RBPMS: variants seen among roughly 807,000 people sequenced by gnomAD.
RBPMS encodes the protein RNA binding protein, mRNA processing factor, also known as RNA-binding protein with multiple splicing.
Under a neutral mutation model 26.8 loss-of-function variants are expected in RBPMS, and 7 were observed. That is an observed-to-expected ratio of 0.26 (90% CI 0.15 to 0.49). The LOEUF is 0.49. Among genes scored for constraint, RBPMS ranks in the 20% least tolerant of loss-of-function variants. RBPMS has a pLI of 0.98. For synonymous variants in RBPMS, 96 were observed against 93.3 expected (o/e 1.03, Z -0.17); for missense variants, 186 against 250.0 (o/e 0.74, Z 1.73).
intron 6 of RBPMS, chr8:30,558,387 G>A (rs1433758723): frequency 1.6e-5 from 3 of 192,618 alleles, no homozygotes; most frequent in African/African-American, 7.0e-5. Context: ...ACAGTGCCAA[G>A]AAGCTGGAAC....
chr8:30,464,102 C>T (rs1026760122), intron 1 of RBPMS, among the ~76,000 whole-genome samples: 2 of 152,140 alleles, frequency 1.3e-5, no homozygotes, highest in Non-Finnish European at 2.9e-5. Context: ...CTGCAGTGAG[C>T]TATGATTGTG....
chr8:30,541,944 A>C (rs2979514), intron 5 of RBPMS, among the ~76,000 whole-genome samples: 29,809 of 152,284 alleles, frequency 0.2, 3,196 homozygotes, highest in South Asian at 0.39. Context: ...GAGAGTGCTC[A>C]GGCTCATACT....
rs974338834 is a variant in RBPMS at position 30,572,018 on chromosome 8, A to C, written c.*1493A>C. 6.6e-6 allele frequency: 1 copy of C among 152,186 alleles called. No individual in the cohort carries two copies. Among genetic ancestry groups the C allele is most frequent in the African/African-American group, 2.4e-5 (1 of 41,440 alleles). 9.4% of individuals were successfully genotyped at this position (152,186 alleles called of 1,614,324 possible). A position where few individuals can be genotyped will look rare whatever the true frequency, so the allele number is the denominator to read the frequency against. On this transcript the variant is annotated 3_prime_UTR_variant, in exon 9 of 9. Coordinates refer to ENST00000397323, the MANE Select transcript of RBPMS (RefSeq NM_001008710.3). ...GTCAACACAAAAAACCAAGGCCAGG[A>C]GTGAGGGGCTCTTTCTTACCGTAAA...
At chr8:30,513,458 A>G (rs1382424568) in intron 5 of RBPMS, among the ~76,000 whole-genome samples, 3 of 151,686 alleles carry the variant, frequency 2.0e-5, no homozygotes, top group Non-Finnish European at 4.4e-5. Flanking sequence ...GAGTGGTGGC[A>G]GGCGCCTGTG....
intron 4 of RBPMS, among the ~76,000 whole-genome samples, chr8:30,496,386 T>C (rs1378938243): frequency 6.6e-6 from 1 of 152,210 alleles, no homozygotes; most frequent in Middle Eastern, 3.4e-3. Context: ...GCCAGGGTGG[T>C]CTCGATCTCC....
chr8:30,537,843 C>T (rs1219931374), intron 5 of RBPMS: 1 of 314,414 alleles, frequency 3.2e-6, no homozygotes, highest in Non-Finnish European at 6.3e-6. Context: ...TCTTTGTCAT[C>T]TTTATTGTTA....
At chr8:30,410,276 C>T (rs953497833) in intron 1 of RBPMS, among the ~76,000 whole-genome samples, 2 of 151,850 alleles carry the variant, frequency 1.3e-5, no homozygotes, top group South Asian at 2.1e-4. Flanking sequence ...GTACAATCTC[C>T]GCTCCCTGCA....
At chr8:30,509,064 C>T (rs1401256215) in intron 5 of RBPMS, among the ~76,000 whole-genome samples, 1 of 152,094 alleles carries the variant, frequency 6.6e-6, no homozygotes, top group Non-Finnish European at 1.5e-5. Context: ...TGGGCTAGGA[C>T]GTAGGCTCTG....
intron 4 of RBPMS, among the ~76,000 whole-genome samples, chr8:30,503,240 G>A (rs1820741629): frequency 6.6e-6 from 1 of 152,080 alleles, no homozygotes; most frequent in Non-Finnish European, 1.5e-5. Flanking sequence ...GAGTAAGAGA[G>A]TCTTGTTTTT....
chr8:30,498,920 A>G (rs923681896), intron 4 of RBPMS, among the ~76,000 whole-genome samples: 1 of 152,096 alleles, frequency 6.6e-6, no homozygotes, highest in Non-Finnish European at 1.5e-5. Flanking sequence ...TTTTAAATAT[A>G]TCTATATGAT....
intron 5 of RBPMS, among the ~76,000 whole-genome samples, chr8:30,539,660 C>CT (rs1277996941): frequency 6.8e-6 from 1 of 147,444 alleles, no homozygotes; most frequent in Non-Finnish European, 1.5e-5. Context: ...GAGTCTCGCT[C>CT]TGTCGCCCAG....
chr8:30,393,146 A>G (rs1807985963), intron 1 of RBPMS, among the ~76,000 whole-genome samples: 1 of 152,226 alleles, frequency 6.6e-6, no homozygotes, highest in African/African-American at 2.4e-5. Flanking sequence ...TGTATTACAT[A>G]TAATCTGCCT....
intron 2 of RBPMS, among the ~76,000 whole-genome samples, chr8:30,477,436 T>A (rs998066096): frequency 6.6e-6 from 1 of 152,208 alleles, no homozygotes; most frequent in Non-Finnish European, 1.5e-5. Context: ...TGTATTAAAT[T>A]TACCCTCTTT....
In RBPMS at chr8:30,503,607, C is replaced by T. The variant is rs114765413; in HGVS notation, c.247-679C>T. Among the ~76,000 whole-genome samples the T allele has an allele frequency of 9.8e-3, 1,483 of 151,532 alleles. 22 individuals are homozygous for T. Among genetic ancestry groups the T allele is most frequent in the African/African-American group, 0.031 (1,270 of 41,296 alleles). On this transcript the variant is annotated intron_variant, in intron 4 of 8. Transcript: ENST00000397323. ...ATTAGGAAGAATGGTGGCGAGGGGG[C>T]GGGGGATGCTTTGGAGCCCTCAGGC...
At chr8:30,447,820 C>T (rs991049058) in intron 1 of RBPMS, among the ~76,000 whole-genome samples, 5 of 151,916 alleles carry the variant, frequency 3.3e-5, no homozygotes, top group African/African-American at 1.2e-4. Flanking sequence ...GGAGATCTAA[C>T]TCATTTTAAA....
intron 4 of RBPMS, among the ~76,000 whole-genome samples, chr8:30,501,908 G>A (rs1350730650): frequency 3.3e-5 from 5 of 151,226 alleles, no homozygotes; most frequent in African/African-American, 4.9e-5. Flanking sequence ...TTCCCTCTTC[G>A]TTTCTGTGTT....
At chr8:30,547,358 G>C (rs1288651656) in intron 6 of RBPMS, 2 of 1,613,300 alleles carry the variant, frequency 1.2e-6, no homozygotes, top group African/African-American at 1.3e-5. Flanking sequence ...AATTAGATTT[G>C]TCTCTGGGAA....
chr8:30,533,783 A>G (rs772610460), intron 5 of RBPMS, among the ~76,000 whole-genome samples: 2 of 152,152 alleles, frequency 1.3e-5, no homozygotes, highest in African/African-American at 2.4e-5. Context: ...CTTGTACACA[A>G]ATCAGGTTTT....
At chr8:30,536,205 G>A (rs530525627) in intron 5 of RBPMS, among the ~76,000 whole-genome samples, 110 of 146,786 alleles carry the variant, frequency 7.5e-4, no homozygotes, top group Middle Eastern at 3.6e-3. Context: ...TCGGCTCACC[G>A]CAACCTCCGC....
Sources: gnomAD v4.1 joint callset for allele counts (sites outside exome capture counted in the v4.1 genomes callset) on GRCh38, gnomAD v4.1.1 for gene constraint, MANE v1.5 for transcripts, NCBI Gene and HGNC (gene_info 2026-07-23, HGNC 2026-07-21) for gene names.